The following PARD3B variants were observed in gnomAD, a reference collection of about 807,000 sequenced individuals.
The protein encoded by PARD3B is par-3 family cell polarity regulator beta.
In PARD3B, 103 loss-of-function variants were observed where a neutral mutation model predicts 130.2. The observed-to-expected ratio is 0.79, with a 90% CI of 0.67 to 0.93. The LOEUF is 0.93. Ranked by LOEUF, PARD3B falls within the 40% of genes least tolerant of loss-of-function variation. The probability of loss-of-function intolerance (pLI) is 0.00; values close to 1 mark genes in which losing one functional copy is unlikely to be tolerated. For missense variants in PARD3B, 1,609 were observed against 1,499.2 expected (o/e 1.07, Z -1.21); for synonymous variants, 583 against 553.2 (o/e 1.05, Z -0.76).
At chr2:205,059,993 C>A (rs746945507) in intron 4 of PARD3B, among the ~76,000 whole-genome samples, 1 of 152,026 alleles carries the variant, frequency 6.6e-6, no homozygotes, top group Admixed American at 6.6e-5. Flanking sequence ...TTACAGACGA[C>A]GAAGTTCAGG....
In PARD3B at chr2:205,463,798, A is replaced by T. The variant is rs2048532721; in HGVS notation, c.3044+23126A>T. Among the ~76,000 whole-genome samples the T allele has an allele frequency of 6.6e-6, 1 of 152,188 alleles. No individual in the cohort carries two copies. On this transcript the variant is annotated intron_variant, in intron 20 of 22. Transcript: ENST00000406610. This position sits in a 1 kb window ranked among gnomAD's most constrained non-coding sequence, Gnocchi z 4.8. Reference sequence around the variant, plus strand: ...GCATTTTAACAAAGCAGCCTCCTCGAGGAAGGAAAGCCAGCCACCCTTCCC... The same window carrying T: ...GCATTTTAACAAAGCAGCCTCCTCGTGGAAGGAAAGCCAGCCACCCTTCCC...
rs1366636546 is a variant in PARD3B, at chr2:205,268,663, A to G, written c.2185+22841A>G. Among the ~76,000 whole-genome samples the G allele has an allele frequency of 6.6e-6, 1 of 152,210 alleles. No homozygotes were observed. The highest frequency in any genetic ancestry group is 1.5e-5 in the Non-Finnish European group (1 of 68,036). On this transcript the variant is annotated intron_variant, in intron 16 of 22. Coordinates refer to ENST00000406610, the MANE Select transcript of PARD3B (RefSeq NM_001302769.2). The surrounding 1 kb of genome is among the most constrained non-coding windows in gnomAD (Gnocchi z 4.1). ...CTGGAAGTGGTATATTTAAAATTTT[A>G]CTTCTGAGATATATGATGAGTCCAA...
intron 15 of PARD3B, among the ~76,000 whole-genome samples, chr2:205,205,367 AATATACAGTC>A (rs1395973482): frequency 8.5e-5 from 13 of 152,110 alleles, no homozygotes; most frequent in African/African-American, 3.1e-4. Flanking sequence ...GGGTTTTCTA[AATATACAGTC>A]ATATCATCTG....
intron 15 of PARD3B, among the ~76,000 whole-genome samples, chr2:205,202,253 C>T (rs73059271): frequency 4.3e-3 from 649 of 152,136 alleles, no homozygotes; most frequent in African/African-American, 0.013. Context: ...TCAGATGTAG[C>T]GGAATAAGGC....
chr2:205,126,752 CAAAAAAAAAAAAA>C (rs4045004), intron 10 of PARD3B, among the ~76,000 whole-genome samples: 10 of 74,454 alleles, frequency 1.3e-4, no homozygotes, highest in Admixed American at 8.1e-4. Flanking sequence ...GACTCCGTCT[CAAAAAAAAAAAAA>C]AAAAAAAAAA....
intron 16 of PARD3B, among the ~76,000 whole-genome samples, chr2:205,246,231 T>C (rs2039565376): frequency 3.0e-4 from 1 of 3,332 alleles, no homozygotes; most frequent in African/African-American, 1.5e-3. Context: ...AAGAATAGGA[T>C]TTTTTTTCTT....
At chr2:204,728,688 A>T (rs1422933394) in intron 2 of PARD3B, among the ~76,000 whole-genome samples, 1 of 152,154 alleles carries the variant, frequency 6.6e-6, no homozygotes, top group Non-Finnish European at 1.5e-5. Flanking sequence ...CTATTTTTCA[A>T]ATGGGAAAAT....
chr2:205,362,341 C>T (rs2044420771), intron 18 of PARD3B, among the ~76,000 whole-genome samples: 1 of 152,176 alleles, frequency 6.6e-6, no homozygotes, highest in South Asian at 2.1e-4. Flanking sequence ...TCAATCATAG[C>T]TTACTTTGAC....
rs949236379 is a variant in PARD3B, at chr2:205,142,129, G to T, written c.1434+16392G>T. Among the ~76,000 whole-genome samples, 3 of 152,132 alleles carry T rather than the reference G, an allele frequency of 2.0e-5. No individual in the cohort carries two copies. The highest frequency in any genetic ancestry group is 7.2e-5 in the African/African-American group (3 of 41,424). On this transcript the variant is annotated intron_variant, in intron 10 of 22. Coordinates refer to ENST00000406610, the MANE Select transcript of PARD3B (RefSeq NM_001302769.2). The surrounding 1 kb of genome is among the most constrained non-coding windows in gnomAD (Gnocchi z 4.3). ...GTGCTATGCTTTTATTATGTATAGA[G>T]TGTTTTGAAGACCTAGATGAGAGCC...
chr2:204,729,339 AAAACTC>A (rs2039384200), intron 2 of PARD3B, among the ~76,000 whole-genome samples: 1 of 152,152 alleles, frequency 6.6e-6, no homozygotes, highest in Non-Finnish European at 1.5e-5. Flanking sequence ...AAGAGATTTT[AAAACTC>A]TCACCGTATT....
chr2:205,317,177 A>T lies in PARD3B; in HGVS notation c.2630+15476A>T, dbSNP rs149642820. On this transcript the variant is annotated intron_variant, in intron 18 of 22. Coordinates refer to ENST00000406610, the MANE Select transcript of PARD3B (RefSeq NM_001302769.2). ...CACTTGCAGTGTACTCAGTAAAGAT[A>T]CTGAATAGTAAGATGTCTGGATTTC... Among the ~76,000 whole-genome samples, 1,380 of 152,344 alleles carry T rather than the reference A, an allele frequency of 9.1e-3. 20 individuals are homozygous for T. Among genetic ancestry groups the T allele is most frequent in the Non-Finnish European group, 0.012 (818 of 68,014 alleles).
intron 3 of PARD3B, among the ~76,000 whole-genome samples, chr2:204,999,933 G>A (rs570755666): frequency 5.1e-4 from 78 of 152,104 alleles, no homozygotes; most frequent in Non-Finnish European, 4.3e-4. Context: ...TTACTTATAC[G>A]ATACAAGGGT....
intron 4 of PARD3B, among the ~76,000 whole-genome samples, chr2:205,092,769 G>A (rs943860014): frequency 7.2e-5 from 11 of 152,272 alleles, no homozygotes; most frequent in African/African-American, 2.6e-4. Context: ...TGTAGGTTCA[G>A]GATCTGGAGG....
At chr2:205,483,289 A>G (rs941856803) in intron 20 of PARD3B, among the ~76,000 whole-genome samples, 1 of 152,208 alleles carries the variant, frequency 6.6e-6, no homozygotes, top group African/African-American at 2.4e-5. Flanking sequence ...CTCCATCAAA[A>G]TGGCAGCTCT....
chr2:204,943,434 C>T lies in PARD3B; in HGVS notation c.223-21718C>T, dbSNP rs1689074513. Among the ~76,000 whole-genome samples the T allele has an allele frequency of 6.6e-6, 1 of 151,858 alleles. No individual in the cohort carries two copies. Among genetic ancestry groups the T allele is most frequent in the Admixed American group, 6.6e-5 (1 of 15,256 alleles). On this transcript the variant is annotated intron_variant, in intron 2 of 22. Transcript: ENST00000406610. The surrounding 1 kb of genome is among the most constrained non-coding windows in gnomAD (Gnocchi z 4.2). ...CTTCTCATGGAGTTCTTACTGGTCC[C>T]CAGGTTAACCTAGGGAGTTGATACA...
chr2:205,062,978 G>A (rs1700146233), intron 4 of PARD3B, among the ~76,000 whole-genome samples: 1 of 152,120 alleles, frequency 6.6e-6, no homozygotes, highest in South Asian at 2.1e-4. Flanking sequence ...GTTGCAGTGG[G>A]GGTGAGGGAG....
chr2:205,376,250 C>T (rs1034935626), intron 18 of PARD3B, among the ~76,000 whole-genome samples: 1 of 152,102 alleles, frequency 6.6e-6, no homozygotes, highest in African/African-American at 2.4e-5. Context: ...AGCTGGGGAT[C>T]AAAGCAGGCA....
At chr2:205,136,075 G>T (rs2032458914) in intron 10 of PARD3B, among the ~76,000 whole-genome samples, 1 of 152,124 alleles carries the variant, frequency 6.6e-6, no homozygotes, top group Non-Finnish European at 1.5e-5. Context: ...GCCACTGATT[G>T]AGTTATATGA....
intron 1 of PARD3B, among the ~76,000 whole-genome samples, chr2:204,619,797 G>A (rs762859312): frequency 1.3e-5 from 2 of 152,150 alleles, no homozygotes; most frequent in Non-Finnish European, 2.9e-5. Flanking sequence ...TTAGAAATAA[G>A]AGAAGGGACG....
Sources: gnomAD v4.1 joint callset for allele counts (sites outside exome capture counted in the v4.1 genomes callset) on GRCh38, gnomAD v4.1.1 for gene constraint, Gnocchi (gnomAD v3.1) non-coding constraint, MANE v1.5 for transcripts, NCBI Gene and HGNC (gene_info 2026-07-23, HGNC 2026-07-21) for gene names.